KCMF1: variants seen among roughly 807,000 people sequenced by gnomAD.
KCMF1 encodes E3 ubiquitin-protein ligase KCMF1.
A neutral mutation model predicts 41.1 loss-of-function variants in KCMF1; 3 were observed. The ratio of observed to expected loss-of-function variants is 0.07; its 90% CI spans 0.03 to 0.19. The LOEUF is 0.19. Among genes scored for constraint, KCMF1 ranks in the 10% least tolerant of loss-of-function variants. KCMF1 has a pLI of 1.00. For synonymous variants in KCMF1, 142 were observed against 164.5 expected (o/e 0.86, Z 1.04); for missense variants, 286 against 488.9 (o/e 0.58, Z 3.91).
chr2:85,017,009 CTTCT>C lies in KCMF1; in HGVS notation c.17-10877_17-10874del, dbSNP rs1308340566. ...TGCTTTTGTATTCATCTAAGATCCT[CTTCT>C]TTTTTTTTTTTTTTTTTTTTTTGAG... On this transcript the variant is annotated intron_variant, in intron 1 of 6. Coordinates refer to ENST00000409785, the MANE Select transcript of KCMF1 (RefSeq NM_020122.5). 2.1e-5 allele frequency among the ~76,000 whole-genome samples: 3 copies of C among 140,828 alleles called. No homozygotes were observed. The East Asian group carries it at 6.3e-4, about 30-fold the overall frequency. 92.4% of individuals were successfully genotyped at this position (140,828 alleles called of 152,430 possible). A position where few individuals can be genotyped will look rare whatever the true frequency, so the allele number is the denominator to read the frequency against.
rs1218391047 is a variant in KCMF1, at chr2:85,053,217, G to A, written c.954G>A (p.Leu318=). The A allele has an allele frequency of 4.3e-6, 7 of 1,613,910 alleles. No individual in the cohort carries two copies. The highest frequency in any genetic ancestry group is 5.9e-6 in the Non-Finnish European group (7 of 1,179,892). Residue 318 remains leucine, a synonymous_variant, in exon 7 of 7, where the codon CTG becomes CTA. Coordinates refer to ENST00000409785, the MANE Select transcript of KCMF1 (RefSeq NM_020122.5). ...AAAGCGAGCGTGCAGACCGCAGCCT[G>A]TTTGTCCAAGAGCTCCTTCTGTCCA... is the stretch of plus-strand genomic sequence containing the variant. ...SMESERADRS[L]FVQELLLSTL...
intron 1 of KCMF1, among the ~76,000 whole-genome samples, chr2:85,019,325 T>C (rs1449680826): frequency 2.0e-5 from 3 of 152,192 alleles, no homozygotes; most frequent in African/African-American, 7.2e-5. Flanking sequence ...CTGACACATA[T>C]ACTTAGGAGG....
chr2:84,982,599 A>T (rs1273633178), intron 1 of KCMF1, among the ~76,000 whole-genome samples: 2 of 151,700 alleles, frequency 1.3e-5, no homozygotes, highest in African/African-American at 4.8e-5. Flanking sequence ...GGGTTTCGCC[A>T]TGTTGGCCAG....
At chr2:84,985,419 A>C (rs573884123) in intron 1 of KCMF1, among the ~76,000 whole-genome samples, 70 of 152,198 alleles carry the variant, frequency 4.6e-4, no homozygotes, top group Non-Finnish European at 8.4e-4. Context: ...CCCTACATTT[A>C]CCGTTCTTTT....
At chr2:85,049,320 T>A (rs370604700) in intron 5 of KCMF1, 46 bp from the exon 6 acceptor site, 3 of 1,582,308 alleles carry the variant, frequency 1.9e-6, no homozygotes, top group Non-Finnish European at 2.6e-6. Flanking sequence ...CGTTTTGTTT[T>A]CCTCAGTATT....
At chr2:85,019,991 C>G (rs996583949) in intron 1 of KCMF1, among the ~76,000 whole-genome samples, 14 of 152,030 alleles carry the variant, frequency 9.2e-5, no homozygotes, top group Non-Finnish European at 1.8e-4. Flanking sequence ...CTTACAGTTA[C>G]GGAACTCTAG....
At chr2:85,030,853 C>T (rs1402659306) in intron 2 of KCMF1, among the ~76,000 whole-genome samples, 2 of 152,164 alleles carry the variant, frequency 1.3e-5, no homozygotes, top group Admixed American at 1.3e-4. Context: ...GAAGCCACCA[C>T]GCCTAGCTGA....
chr2:85,033,538 G>C (rs1675333517), intron 2 of KCMF1, among the ~76,000 whole-genome samples: 1 of 152,186 alleles, frequency 6.6e-6, no homozygotes, highest in South Asian at 2.1e-4. Flanking sequence ...AAGCAGATGG[G>C]GAAGTGGGCA....
chr2:85,030,890 T>G (rs2104033540), intron 2 of KCMF1, among the ~76,000 whole-genome samples: 1 of 151,996 alleles, frequency 6.6e-6, no homozygotes, highest in South Asian at 2.1e-4. Flanking sequence ...GGAGATGGGG[T>G]TTTTCCACAT....
intron 2 of KCMF1, among the ~76,000 whole-genome samples, chr2:85,034,579 C>T (rs746301085): frequency 1.3e-5 from 2 of 152,160 alleles, no homozygotes; most frequent in Non-Finnish European, 2.9e-5. Flanking sequence ...ATGGAGTCCT[C>T]ATGGGAATAA....
chr2:84,975,525 GGA>G (rs1367893318), intron 1 of KCMF1, among the ~76,000 whole-genome samples: 1 of 152,142 alleles, frequency 6.6e-6, no homozygotes. Context: ...GACCCTTAGT[GGA>G]GATGGCAGTA....
At chr2:84,994,424 A>G (rs931390502) in intron 1 of KCMF1, among the ~76,000 whole-genome samples, 5 of 150,794 alleles carry the variant, frequency 3.3e-5, no homozygotes, top group African/African-American at 1.2e-4. Flanking sequence ...TTTTTTTGAG[A>G]CGGAGGTTCG....
At position 85,049,535 on chromosome 2, in the gene KCMF1, T is replaced by C; in HGVS notation, c.771T>C (p.Arg257=). 6.2e-7 allele frequency: 1 copy of C among 1,613,962 alleles called. No homozygotes were observed. Among genetic ancestry groups the C allele is most frequent in the Non-Finnish European group, 8.5e-7 (1 of 1,179,890 alleles). ...QLETARNATR[R]TNTSSVTTTI... ...AGACCGCACGCAACGCAACCCGGCGTACTAACACAAGCAGTGTCACCACTA... is the reference window on the plus strand; with the variant it reads ...AGACCGCACGCAACGCAACCCGGCGCACTAACACAAGCAGTGTCACCACTA... Residue 257 remains arginine, a synonymous_variant, in exon 6 of 7, where the codon CGT becomes CGC. Coordinates refer to ENST00000409785, the MANE Select transcript of KCMF1 (RefSeq NM_020122.5).
intron 1 of KCMF1, among the ~76,000 whole-genome samples, chr2:85,008,884 G>T (rs1674586398): frequency 6.6e-6 from 1 of 151,438 alleles, no homozygotes; most frequent in Non-Finnish European, 1.5e-5. Context: ...CCCCCGCTCA[G>T]TCTCTCAAAT....
intron 5 of KCMF1, among the ~76,000 whole-genome samples, chr2:85,048,769 C>T (rs907977502): frequency 3.9e-5 from 6 of 152,196 alleles, no homozygotes; most frequent in East Asian, 1.9e-4. Flanking sequence ...CCTTGCTGAG[C>T]ACTGGTAGTG....
intron 1 of KCMF1, among the ~76,000 whole-genome samples, chr2:84,996,748 G>A (rs1042205594): frequency 6.6e-6 from 1 of 152,094 alleles, no homozygotes; most frequent in African/African-American, 2.4e-5. Context: ...TAACCTAAAA[G>A]TCTCTTTAAA....
At chr2:84,987,250 A>G (rs1308776623) in intron 1 of KCMF1, among the ~76,000 whole-genome samples, 1 of 152,228 alleles carries the variant, frequency 6.6e-6, no homozygotes, top group Non-Finnish European at 1.5e-5. Context: ...GTAGTGCATT[A>G]AAAGTTTTAA....
At chr2:84,986,370 A>G (rs994590510) in intron 1 of KCMF1, among the ~76,000 whole-genome samples, 1 of 152,182 alleles carries the variant, frequency 6.6e-6, no homozygotes, top group African/African-American at 2.4e-5. Context: ...AGATTTCCTT[A>G]GGGTGGCATT....
chr2:85,008,242 T>TATATTATATATCATATATAATATATA (rs1558573206), intron 1 of KCMF1, among the ~76,000 whole-genome samples: 7 of 103,278 alleles, frequency 6.8e-5, no homozygotes, highest in African/African-American at 2.6e-4. Flanking sequence ...TATTATATTA[T>TATATTATATATCATATATAATATATA]ATATGATATA....
Sources: gnomAD v4.1 joint callset for allele counts (sites outside exome capture counted in the v4.1 genomes callset) on GRCh38, gnomAD v4.1.1 for gene constraint, MANE v1.5 for transcripts, NCBI Gene and HGNC (gene_info 2026-07-23, HGNC 2026-07-21) for gene names.